The following LYPD6 variants were observed in gnomAD, a reference collection of about 807,000 sequenced individuals.
LYPD6 encodes ly6/PLAUR domain-containing protein 6.
Under a neutral mutation model 22.7 loss-of-function variants are expected in LYPD6, and 15 were observed. The observed-to-expected ratio is 0.66, with a 90% CI of 0.44 to 1.02. The LOEUF is 1.02. Among genes scored for constraint, LYPD6 ranks in the 50% least tolerant of loss-of-function variants. The pLI is 0.00. For synonymous variants in LYPD6, 72 were observed against 77.5 expected (o/e 0.93, Z 0.37); for missense variants, 189 against 208.4 (o/e 0.91, Z 0.57).
chr2:149,330,483 T>C (rs1255536504), upstream of LYPD6: 2 of 148,864 alleles, frequency 1.3e-5, no homozygotes, highest in Non-Finnish European at 3.0e-5. Flanking sequence ...CCCGCGGCCC[T>C]CGAGGCCGGG....
intron 1 of LYPD6, among the ~76,000 whole-genome samples, chr2:149,419,946 A>G (rs11883506): frequency 0.25 from 38,181 of 152,096 alleles, 5,514 homozygotes; most frequent in African/African-American, 0.4. Flanking sequence ...ATGTTATTCT[A>G]CGTTACAGAG....
chr2:149,360,351 A>G (rs1000295225), intron 1 of LYPD6, among the ~76,000 whole-genome samples: 1 of 152,184 alleles, frequency 6.6e-6, no homozygotes, highest in African/African-American at 2.4e-5. Context: ...TCTCCTGGGA[A>G]TGCAGCTCAG....
intron 1 of LYPD6, among the ~76,000 whole-genome samples, chr2:149,369,616 A>G (rs1681760382): frequency 6.6e-6 from 1 of 152,162 alleles, no homozygotes; most frequent in Admixed American, 6.5e-5. Context: ...TGTAGTTAGA[A>G]TCGTATCTAC....
At chr2:149,396,438 A>G (rs891150744) in intron 1 of LYPD6, among the ~76,000 whole-genome samples, 1 of 152,052 alleles carries the variant, frequency 6.6e-6, no homozygotes, top group East Asian at 1.9e-4. Flanking sequence ...GAGTATTACT[A>G]TACCCTTGAA....
downstream of LYPD6, among the ~76,000 whole-genome samples, chr2:149,476,583 T>C (rs1011148594): frequency 2.0e-5 from 3 of 152,114 alleles, no homozygotes; most frequent in African/African-American, 7.2e-5. Flanking sequence ...GAAAAGCAAC[T>C]CTGTTGGATT....
chr2:149,356,476 T>G (rs1009825183), intron 1 of LYPD6, among the ~76,000 whole-genome samples: 1 of 152,210 alleles, frequency 6.6e-6, no homozygotes, highest in Non-Finnish European at 1.5e-5. Context: ...CAAGTATGGC[T>G]ACTGGCCTCT....
chr2:149,442,160 T>C (rs970089040), intron 2 of LYPD6, among the ~76,000 whole-genome samples: 2 of 152,216 alleles, frequency 1.3e-5, no homozygotes, highest in African/African-American at 2.4e-5. Flanking sequence ...TATATATGCA[T>C]CCAGTTTTCA....
intron 3 of LYPD6, chr2:149,464,621 AC>A (rs764493362): frequency 1.1e-4 from 17 of 152,398 alleles, no homozygotes; most frequent in Non-Finnish European, 1.8e-4. Context: ...TTCCCAAGCC[AC>A]TCAGGCAGGC....
intron 1 of LYPD6, among the ~76,000 whole-genome samples, chr2:149,406,715 G>A (rs373233788): frequency 6.6e-6 from 1 of 151,126 alleles, no homozygotes; most frequent in Admixed American, 6.6e-5. Context: ...TTTAATTGGA[G>A]CATTTAGTCC....
intron 1 of LYPD6, 148 bp from the exon 2 acceptor site, chr2:149,437,490 A>G (rs948667980): frequency 4.8e-6 from 3 of 622,994 alleles, no homozygotes; most frequent in Admixed American, 3.0e-5. Context: ...GTGCTCTAAA[A>G]TTACTGTTGA....
Position 149,448,160 on chromosome 2 carries a change from G to T in LYPD6, c.119-889G>T, listed in dbSNP as rs528825014. Among the ~76,000 whole-genome samples, 3 of 152,324 alleles carry T rather than the reference G, an allele frequency of 2.0e-5. No individual in the cohort carries two copies. The South Asian group carries it at 6.2e-4, about 32-fold the overall frequency. ...AATACAAAATTAGCCGGGTATAGTG[G>T]CACATGCCTGTAATCCCAGCTACTT... is the stretch of plus-strand genomic sequence containing the variant. On this transcript the variant is annotated intron_variant, in intron 2 of 4. Transcript: ENST00000334166.
chr2:149,481,636 T>A, the LYPD6 span, among the ~76,000 whole-genome samples: 4 of 152,214 alleles, frequency 2.6e-5, no homozygotes, highest in Non-Finnish European at 5.9e-5. Context: ...CTTGATATAC[T>A]ATCAACAAAA....
At chr2:149,419,325 T>C (rs1379109626) in intron 1 of LYPD6, among the ~76,000 whole-genome samples, 3 of 152,222 alleles carry the variant, frequency 2.0e-5, no homozygotes, top group Non-Finnish European at 4.4e-5. Flanking sequence ...GGTATTTCAC[T>C]GGGTAATACT....
intron 1 of LYPD6, among the ~76,000 whole-genome samples, chr2:149,404,027 A>G (rs1051578044): frequency 2.0e-5 from 3 of 152,192 alleles, no homozygotes; most frequent in African/African-American, 4.8e-5. Context: ...AGGTTTGTCA[A>G]AGATCACATA....
At chr2:149,374,450 A>C (rs537415252) in intron 1 of LYPD6, among the ~76,000 whole-genome samples, 34 of 152,280 alleles carry the variant, frequency 2.2e-4, no homozygotes, top group Admixed American at 1.9e-3. Context: ...CTGGTGCTCC[A>C]TGATATTGGG....
chr2:149,458,814 C>G (rs1159198158), intron 3 of LYPD6, among the ~76,000 whole-genome samples: 1 of 152,038 alleles, frequency 6.6e-6, no homozygotes, highest in African/African-American at 2.4e-5. Flanking sequence ...ATGGGCTCAA[C>G]AGCAGAATGG....
At chr2:149,474,521 T>C (rs575930806), downstream of LYPD6, among the ~76,000 whole-genome samples, 25 of 152,282 alleles carry the variant, frequency 1.6e-4, no homozygotes, top group African/African-American at 5.5e-4. Flanking sequence ...GGTTATTTAA[T>C]TACCTATGTT....
intron 1 of LYPD6, among the ~76,000 whole-genome samples, chr2:149,406,755 G>A (rs1682720646): frequency 6.6e-6 from 1 of 151,720 alleles, no homozygotes; most frequent in African/African-American, 2.4e-5. Context: ...ATTGTTATGT[G>A]TGAATTTGAT....
intron 1 of LYPD6, among the ~76,000 whole-genome samples, chr2:149,340,458 A>G (rs541278854): frequency 6.6e-5 from 10 of 152,240 alleles, no homozygotes; most frequent in African/African-American, 2.4e-4. Flanking sequence ...TTAATTTTCC[A>G]TTGGCAGAGA....
Sources: allele counts gnomAD v4.1 joint callset (sites outside exome capture counted in the v4.1 genomes callset), GRCh38; gene constraint gnomAD v4.1.1; transcripts MANE v1.5; gene names NCBI Gene and HGNC (gene_info 2026-07-23, HGNC 2026-07-21).